The following EDAR variants were observed in gnomAD, a reference collection of about 807,000 sequenced individuals.
EDAR encodes the protein tumor necrosis factor receptor superfamily member EDAR.
A neutral mutation model predicts 51.3 loss-of-function variants in EDAR; 38 were observed. The ratio of observed to expected loss-of-function variants is 0.74; its 90% confidence interval spans 0.57 to 0.97. The LOEUF (loss-of-function observed/expected upper bound fraction) is 0.97, where lower values mean the gene tolerates loss of function less well. Ranked by LOEUF, EDAR falls within the 50% of genes least tolerant of loss-of-function variation. The pLI, the probability that EDAR is intolerant of heterozygous loss-of-function variation, is 0.00. For synonymous variants in EDAR, 227 were observed against 242.1 expected (o/e 0.94, Z 0.58); for missense variants, 528 against 595.0 (o/e 0.89, Z 1.17).
chr2:108,910,673 C>A, intron 8 of EDAR, 103 bp downstream of exon 8: 1 of 1,456,160 alleles, frequency 6.9e-7, no homozygotes, highest in South Asian at 1.2e-5. Flanking sequence ...CAGTATGGTT[C>A]AGCATGTGAG....
intron 4 of EDAR, among the ~76,000 whole-genome samples, chr2:108,926,326 T>C (rs537091774): frequency 6.6e-6 from 1 of 152,290 alleles, no homozygotes; most frequent in African/African-American, 2.4e-5. Flanking sequence ...TCTACATAGG[T>C]TGATTCAGGT....
chr2:108,904,286 C>T (rs1286915526), intron 11 of EDAR, among the ~76,000 whole-genome samples: 2 of 152,138 alleles, frequency 1.3e-5, no homozygotes, highest in Non-Finnish European at 2.9e-5. Flanking sequence ...CTCAGAATAG[C>T]TAAAACAAAA....
At chr2:108,931,552 T>C (rs1044227367) in intron 1 of EDAR, among the ~76,000 whole-genome samples, 1 of 152,132 alleles carries the variant, frequency 6.6e-6, no homozygotes, top group African/African-American at 2.4e-5. Context: ...AACCTAACTT[T>C]ACAGTTGAGA....
At chr2:108,965,877 C>T (rs1012559460) in intron 1 of EDAR, among the ~76,000 whole-genome samples, 3 of 151,948 alleles carry the variant, frequency 2.0e-5, no homozygotes, top group East Asian at 1.9e-4. Flanking sequence ...TTCTGTGCTC[C>T]CCCCTCTCCC....
intron 1 of EDAR, among the ~76,000 whole-genome samples, chr2:108,986,544 C>T (rs934421517): frequency 2.0e-5 from 3 of 152,154 alleles, no homozygotes; most frequent in Non-Finnish European, 4.4e-5. Context: ...GAGGCCTGGG[C>T]ATACTGAGTG....
chr2:108,975,642 C>T (rs1213789587), intron 1 of EDAR, among the ~76,000 whole-genome samples: 2 of 152,070 alleles, frequency 1.3e-5, no homozygotes, highest in African/African-American at 2.4e-5. Flanking sequence ...AAAATAGAGC[C>T]GGGGGAACAG....
chr2:108,906,242 T>A, intron 11 of EDAR, 66 bp downstream of exon 11: 1 of 1,572,958 alleles, frequency 6.4e-7, no homozygotes, highest in Non-Finnish European at 8.7e-7. Flanking sequence ...GCCTCAGGGC[T>A]CCGGGCCCAG....
intron 1 of EDAR, among the ~76,000 whole-genome samples, chr2:108,977,492 G>A (rs975217226): frequency 2.6e-5 from 4 of 152,072 alleles, no homozygotes; most frequent in African/African-American, 9.7e-5. Flanking sequence ...GGATGGTCTC[G>A]ATCTCCTGAC....
At chr2:108,980,671 G>A (rs752870246) in intron 1 of EDAR, among the ~76,000 whole-genome samples, 1 of 152,112 alleles carries the variant, frequency 6.6e-6, no homozygotes, top group African/African-American at 2.4e-5. Context: ...ATAAGACGAC[G>A]TGTTAGCATA....
At chr2:108,931,081 G>T in intron 1 of EDAR, 49 bp from the exon 2 acceptor site, 1 of 1,527,382 alleles carries the variant, frequency 6.5e-7, no homozygotes, top group Non-Finnish European at 9.1e-7. Flanking sequence ...CACCCCAGCC[G>T]GGGGTCTGGC....
intron 1 of EDAR, among the ~76,000 whole-genome samples, chr2:108,933,182 T>C (rs1025980704): frequency 1.3e-5 from 2 of 152,222 alleles, no homozygotes; most frequent in East Asian, 1.9e-4. Context: ...AGTTTCTAAA[T>C]GCATGAAAGC....
intron 1 of EDAR, among the ~76,000 whole-genome samples, chr2:108,937,230 T>C (rs753572384): frequency 1.3e-5 from 2 of 152,200 alleles, no homozygotes; most frequent in Admixed American, 6.5e-5. Context: ...AATCTTTCAT[T>C]TGCAAACTCC....
intron 1 of EDAR, among the ~76,000 whole-genome samples, chr2:108,970,077 C>T (rs1698209909): frequency 6.6e-6 from 1 of 152,126 alleles, no homozygotes; most frequent in African/African-American, 2.4e-5. Flanking sequence ...AGACACTTTC[C>T]CCTGTGGAAA....
chr2:108,910,797 C>T lies in EDAR; in HGVS notation c.709G>A (p.Glu237Lys), dbSNP rs368251062. Residue 237 changes from glutamate to lysine, a missense_variant, in exon 8 of 12, where the codon GAG (glutamate) becomes AAG (lysine). Transcript: ENST00000258443. ...KSVEAQVSKDEEKKEAPDNVV... is the reference protein window; with the variant it reads ...KSVEAQVSKDKEKKEAPDNVV... ...AGACCTGGGGCCTCTTTCTTCTCCT[C>T]GTCCTTGCTCACTTGGGCCTCCACG... is the stretch of plus-strand genomic sequence containing the variant. 20 of 1,613,522 alleles carry T rather than the reference C, an allele frequency of 1.2e-5. No individual in the cohort carries two copies. Among genetic ancestry groups the T allele is most frequent in the African/African-American group, 5.3e-5 (4 of 74,884 alleles).
chr2:108,905,920 G>A (rs1039897190), intron 11 of EDAR, among the ~76,000 whole-genome samples: 6 of 146,026 alleles, frequency 4.1e-5, no homozygotes, highest in African/African-American at 1.7e-4. Context: ...CAGGGAGAGG[G>A]CAGCTAAGTC....
chr2:108,971,041 G>A (rs12622467), intron 1 of EDAR, among the ~76,000 whole-genome samples: 29,978 of 152,016 alleles, frequency 0.2, 4,534 homozygotes, highest in East Asian at 0.84. Context: ...GGATGATGCT[G>A]GTGGTGGGGA....
intron 1 of EDAR, among the ~76,000 whole-genome samples, chr2:108,964,787 A>C (rs1643734087): frequency 6.6e-6 from 1 of 152,176 alleles, no homozygotes; most frequent in Non-Finnish European, 1.5e-5. Context: ...GCTTCTACCC[A>C]GAGAGCTGAG....
intron 4 of EDAR, among the ~76,000 whole-genome samples, chr2:108,925,155 C>G (rs991308644): frequency 1.8e-4 from 27 of 150,904 alleles, no homozygotes; most frequent in African/African-American, 6.6e-4. Flanking sequence ...CGCTCCTGGG[C>G]TGGGAGGCCC....
intron 1 of EDAR, among the ~76,000 whole-genome samples, chr2:108,963,460 C>T (rs1433017182): frequency 2.0e-5 from 3 of 152,148 alleles, no homozygotes; most frequent in East Asian, 1.9e-4. Flanking sequence ...AGTGGATTCA[C>T]GTGCACTTGT....
Sources: gnomAD v4.1 joint callset for allele counts (sites outside exome capture counted in the v4.1 genomes callset) on GRCh38, gnomAD v4.1.1 for gene constraint, MANE v1.5 for transcripts, NCBI Gene and HGNC (gene_info 2026-07-23, HGNC 2026-07-21) for gene names.